PEX5L: variants seen among roughly 807,000 people sequenced by gnomAD.
The protein encoded by PEX5L is peroxisomal biogenesis factor 5 like.
In PEX5L, 30 loss-of-function variants were observed where a neutral mutation model predicts 84.0. The observed-to-expected ratio is 0.36, with a 90% CI of 0.27 to 0.48. The LOEUF is 0.48. PEX5L is among the 20% of genes least tolerant of loss of function. PEX5L has a pLI of 0.99. For synonymous variants in PEX5L, 270 were observed against 283.1 expected, an observed-to-expected ratio of 0.95 and a Z score of 0.46; for missense variants, 533 against 754.6, an observed-to-expected ratio of 0.71 and a Z score of 3.44.
At chr3:180,018,892 G>GTTGTTT (rs1456444311) in intron 1 of PEX5L, among the ~76,000 whole-genome samples, 1 of 147,742 alleles carries the variant, frequency 6.8e-6, no homozygotes, top group African/African-American at 2.5e-5. Context: ...TGTTGTTGTT[G>GTTGTTT]TTTGTTTGTT....
At chr3:179,981,817 A>C (rs1038273726) in intron 1 of PEX5L, among the ~76,000 whole-genome samples, 12 of 151,348 alleles carry the variant, frequency 7.9e-5, no homozygotes, top group Middle Eastern at 3.2e-3. Flanking sequence ...AAAAAAAAAC[A>C]AAGGGAGTCT....
chr3:179,837,136 C>T (rs9850993), intron 8 of PEX5L, among the ~76,000 whole-genome samples: 57,912 of 151,866 alleles, frequency 0.38, 11,583 homozygotes, highest in East Asian at 0.72. Flanking sequence ...TAGTTTCTTT[C>T]AATATCTGGC....
At chr3:180,032,153 A>G (rs1467147821) in intron 1 of PEX5L, among the ~76,000 whole-genome samples, 1 of 152,238 alleles carries the variant, frequency 6.6e-6, no homozygotes, top group Non-Finnish European at 1.5e-5. Context: ...ATGTGAATAT[A>G]CAGGAAGACA....
intron 1 of PEX5L, among the ~76,000 whole-genome samples, chr3:179,995,572 G>A (rs1051838187): frequency 5.3e-5 from 8 of 152,136 alleles, no homozygotes; most frequent in Admixed American, 2.6e-4. Flanking sequence ...CTGACCATAT[G>A]TGGAGAACCA....
intron 5 of PEX5L, among the ~76,000 whole-genome samples, chr3:179,876,554 T>A (rs945679396): frequency 2.0e-5 from 3 of 152,104 alleles, no homozygotes; most frequent in Non-Finnish European, 4.4e-5. Flanking sequence ...TTTCCCCTTC[T>A]TTTTAAAAAC....
chr3:179,835,240 C>CA, intron 8 of PEX5L, among the ~76,000 whole-genome samples: 1 of 152,190 alleles, frequency 6.6e-6, no homozygotes, highest in Non-Finnish European at 1.5e-5. Context: ...CTGGTGCTAC[C>CA]ACTCCCCTAG....
At chr3:179,913,321 A>G (rs1431425033) in intron 2 of PEX5L, among the ~76,000 whole-genome samples, 1 of 152,154 alleles carries the variant, frequency 6.6e-6, no homozygotes, top group Non-Finnish European at 1.5e-5. Context: ...TATAAATTAT[A>G]TGTCTATGGG....
chr3:179,847,556 C>T (rs1348895256), intron 8 of PEX5L, among the ~76,000 whole-genome samples: 1 of 152,036 alleles, frequency 6.6e-6, no homozygotes, highest in South Asian at 2.1e-4. Flanking sequence ...GTCTCTTTGC[C>T]CACAGGGAGT....
intron 7 of PEX5L, among the ~76,000 whole-genome samples, chr3:179,868,912 T>C (rs1749324746): frequency 6.6e-6 from 1 of 151,288 alleles, no homozygotes; most frequent in Non-Finnish European, 1.5e-5. Flanking sequence ...CGAGGGCTCC[T>C]GTGTATACAC....
intron 3 of PEX5L, among the ~76,000 whole-genome samples, chr3:179,894,861 A>T (rs533230910): frequency 6.6e-6 from 1 of 152,228 alleles, no homozygotes; most frequent in Admixed American, 6.6e-5. Context: ...ATACCTTGCT[A>T]AAAAAGTATC....
Position 179,800,280 on chromosome 3 carries a change from T to C in PEX5L, c.*1548A>G, listed in dbSNP as rs1440058501. 6.6e-6 allele frequency: 1 copy of C among 152,184 alleles called. No homozygotes were observed. Among genetic ancestry groups the C allele is most frequent in the Admixed American group, 6.5e-5 (1 of 15,268 alleles). 9.4% of individuals were successfully genotyped at this position (152,184 alleles called of 1,614,324 possible). On this transcript the variant is annotated 3_prime_UTR_variant, in exon 15 of 15. Transcript: ENST00000467460. ...CTTTTTTGTTGTTGTTGTTTTATTTTTTGTGGGTAGCTATAATCATGAGCG... is the reference window on the plus strand; with the variant it reads ...CTTTTTTGTTGTTGTTGTTTTATTTCTTGTGGGTAGCTATAATCATGAGCG...
chr3:179,902,492 T>C (rs1204918318), intron 2 of PEX5L, among the ~76,000 whole-genome samples: 1 of 152,260 alleles, frequency 6.6e-6, no homozygotes, highest in Non-Finnish European at 1.5e-5. Context: ...AGCACGTTTC[T>C]AACAAAATGC....
chr3:179,815,937 C>T lies in PEX5L; in HGVS notation c.1007G>A (p.Arg336Lys), dbSNP rs890081379. ...WPGAFEEGLKRLKEGDLPVTI... is the reference protein window; with the variant it reads ...WPGAFEEGLKKLKEGDLPVTI... ...GACTGGCAGATCCCCTTCCTTCAGC[C>T]TTTTTAAGCCTTCTTCAAATGCTCC... The change falls in exon 10 of 15, where the codon AGG becomes AAG. Residue 336 changes from arginine (R) to lysine (K), a missense_variant. Transcript: ENST00000467460. 1.2e-6 allele frequency: 2 copies of T among 1,614,016 alleles called. No homozygotes were observed. Among genetic ancestry groups the T allele is most frequent in the African/African-American group, 2.7e-5 (2 of 74,912 alleles).
At chr3:179,831,713 C>G (rs1160353008) in intron 8 of PEX5L, among the ~76,000 whole-genome samples, 1 of 152,134 alleles carries the variant, frequency 6.6e-6, no homozygotes, top group Non-Finnish European at 1.5e-5. Context: ...AAGCAGATAA[C>G]ACCCAACTGA....
chr3:179,902,647 G>A, intron 2 of PEX5L: 1 of 456,070 alleles, frequency 2.2e-6, no homozygotes. Context: ...GCCATTAAAT[G>A]CCACTTTTAC....
At chr3:180,024,844 A>AG (rs1449627781) in intron 1 of PEX5L, among the ~76,000 whole-genome samples, 1 of 152,126 alleles carries the variant, frequency 6.6e-6, no homozygotes, top group Non-Finnish European at 1.5e-5. Context: ...CAGTTGTCTC[A>AG]GGGGTGTGTG....
At chr3:179,906,350 TTCC>T in intron 2 of PEX5L, among the ~76,000 whole-genome samples, 1 of 152,328 alleles carries the variant, frequency 6.6e-6, no homozygotes, top group Admixed American at 6.5e-5. Context: ...AATATCAGGC[TTCC>T]TCTGATGAAT....
chr3:179,896,894 G>A (rs1759504276), intron 3 of PEX5L, among the ~76,000 whole-genome samples: 1 of 152,034 alleles, frequency 6.6e-6, no homozygotes, highest in Admixed American at 6.6e-5. Context: ...TAAAGAATGA[G>A]GAATTTGGTA....
chr3:179,843,036 AG>A (rs1737888039), intron 8 of PEX5L, among the ~76,000 whole-genome samples: 1 of 152,020 alleles, frequency 6.6e-6, no homozygotes, highest in Non-Finnish European at 1.5e-5. Flanking sequence ...GCAGAAATTT[AG>A]AGTAGACATA....
Sources: allele counts gnomAD v4.1 joint callset (sites outside exome capture counted in the v4.1 genomes callset), GRCh38; gene constraint gnomAD v4.1.1; transcripts MANE v1.5; gene names NCBI Gene and HGNC (gene_info 2026-07-23, HGNC 2026-07-21).